The following NCKAP5 variants were observed in gnomAD, a reference collection of about 807,000 sequenced individuals.
NCKAP5 encodes the protein NCK associated protein 5.
A neutral mutation model predicts 167.0 loss-of-function variants in NCKAP5; 92 were observed. The observed-to-expected ratio is 0.55, with a 90% CI of 0.47 to 0.66. NCKAP5 has a LOEUF of 0.66. NCKAP5 is among the 30% of genes least tolerant of loss of function. NCKAP5 has a pLI of 0.00. For synonymous variants in NCKAP5, 891 were observed against 877.4 expected (o/e 1.02, Z -0.27); for missense variants, 2,378 against 2,315.0 (o/e 1.03, Z -0.56).
At chr2:133,011,666 A>G (rs1261055733) in intron 6 of NCKAP5, among the ~76,000 whole-genome samples, 1 of 152,218 alleles carries the variant, frequency 6.6e-6, no homozygotes, top group Non-Finnish European at 1.5e-5. Context: ...TCATTATCAC[A>G]CAGCAGTTAA....
intron 6 of NCKAP5, among the ~76,000 whole-genome samples, chr2:133,124,935 A>G (rs2082354703): frequency 6.6e-6 from 1 of 152,156 alleles, no homozygotes; most frequent in African/African-American, 2.4e-5. Context: ...AGTCCCAGCT[A>G]CTTGGGAGGC....
intron 10 of NCKAP5, among the ~76,000 whole-genome samples, chr2:132,867,200 G>A (rs1690425373): frequency 6.6e-6 from 1 of 151,782 alleles, no homozygotes; most frequent in East Asian, 1.9e-4. Context: ...TCTTTCCTGA[G>A]GCACCATTAA....
the NCKAP5 span, among the ~76,000 whole-genome samples, chr2:133,594,716 A>G: frequency 6.6e-6 from 1 of 152,196 alleles, no homozygotes; most frequent in African/African-American, 2.4e-5. Context: ...AGAGAGAACA[A>G]GATACACAAA....
At chr2:132,922,655 A>T (rs1695533726) in intron 8 of NCKAP5, among the ~76,000 whole-genome samples, 1 of 152,130 alleles carries the variant, frequency 6.6e-6, no homozygotes, top group Non-Finnish European at 1.5e-5. Flanking sequence ...TCATATTGCA[A>T]TGCATTATAT....
Position 132,788,275 on chromosome 2 carries a change from G to A in NCKAP5, c.1092+1748C>T, listed in dbSNP as rs76797339. ...AAAAGATGCTGTTGCTGAGGTGCAGGCCTGTGTTTAATGTCCACAGTCCTC... is the reference window on the plus strand; with the variant it reads ...AAAAGATGCTGTTGCTGAGGTGCAGACCTGTGTTTAATGTCCACAGTCCTC... On this transcript the variant is annotated intron_variant, in intron 13 of 19. Transcript: ENST00000409261. 5.9e-3 allele frequency among the ~76,000 whole-genome samples: 892 copies of A among 152,248 alleles called. 7 individuals carry two copies. The highest frequency in any genetic ancestry group is 0.04 in the South Asian group (193 of 4,818).
chr2:133,386,947 CAT>C (rs1687017083), intron 3 of NCKAP5, among the ~76,000 whole-genome samples: 1 of 152,094 alleles, frequency 6.6e-6, no homozygotes, highest in Non-Finnish European at 1.5e-5. Context: ...TGTCTCTGCA[CAT>C]GAGATGGGTT....
intron 2 of NCKAP5, among the ~76,000 whole-genome samples, chr2:133,525,239 C>T (rs1684776819): frequency 6.6e-6 from 1 of 152,272 alleles, no homozygotes; most frequent in Non-Finnish European, 1.5e-5. Context: ...GACAACAACC[C>T]TTTTCTTTCA....
intron 11 of NCKAP5, among the ~76,000 whole-genome samples, chr2:132,820,428 T>C (rs1017659160): frequency 5.3e-5 from 8 of 151,980 alleles, no homozygotes; most frequent in South Asian, 2.1e-4. Context: ...CGGGGTTTCA[T>C]TGTGTTAGCC....
intron 11 of NCKAP5, among the ~76,000 whole-genome samples, chr2:132,859,075 C>T (rs6708084): frequency 0.25 from 38,598 of 151,972 alleles, 5,224 homozygotes; most frequent in East Asian, 0.45. Flanking sequence ...CAAATATTTA[C>T]GGTGGTCAGG....
At chr2:133,425,766 T>G (rs1225602637) in intron 3 of NCKAP5, among the ~76,000 whole-genome samples, 2 of 152,222 alleles carry the variant, frequency 1.3e-5, no homozygotes, top group African/African-American at 4.8e-5. Flanking sequence ...GCACAGAGTT[T>G]GTATTTGCAT....
At chr2:133,109,106 A>C (rs549668420) in intron 6 of NCKAP5, among the ~76,000 whole-genome samples, 1 of 152,348 alleles carries the variant, frequency 6.6e-6, no homozygotes, top group East Asian at 1.9e-4. Flanking sequence ...TCTTAAAATT[A>C]TATAAAAACT....
chr2:133,291,771 C>G (rs919541468), intron 4 of NCKAP5, among the ~76,000 whole-genome samples: 5 of 152,232 alleles, frequency 3.3e-5, no homozygotes, highest in African/African-American at 1.2e-4. Flanking sequence ...TGCGTTCCCA[C>G]GCATGTTCTC....
Position 132,785,162 on chromosome 2 carries a change from A to G in NCKAP5, c.1649T>C (p.Leu550Pro). 1 of 1,602,710 alleles carries G rather than the reference A, an allele frequency of 6.2e-7. No homozygotes were observed. The highest frequency in any genetic ancestry group is 8.5e-7 in the Non-Finnish European group (1 of 1,175,750). ...CTGAGGCGTCTGCACACTTGGGCAC[A>G]GCTTCATCTCTAAGGGACAGCTGCT... The part of the protein sequence containing the change: ...CASSCPLEMK[L>P]CPSVQTPQVQ... The change falls in exon 14 of 20, where the codon CTG becomes CCG. Residue 550 changes from leucine to proline, a missense_variant. Leu to Pro is a moderately conservative substitution (Grantham distance 98). Around this residue, in one of 3 missense-constraint regions of NCKAP5, gnomAD observed 1,049 missense variants for 1,023.4 expected, o/e 1.02. Transcript: ENST00000409261.
chr2:133,080,118 T>C (rs2080753045), intron 6 of NCKAP5, among the ~76,000 whole-genome samples: 1 of 152,096 alleles, frequency 6.6e-6, no homozygotes, highest in African/African-American at 2.4e-5. Flanking sequence ...ACCATACATA[T>C]ATGATATGTA....
At chr2:132,930,546 C>A (rs2149052050) in intron 8 of NCKAP5, 1 of 152,306 alleles carries the variant, frequency 6.6e-6, no homozygotes, top group African/African-American at 2.4e-5. Context: ...GGCATAGGAG[C>A]TCCCGGCTCT....
chr2:132,856,307 T>C (rs925226415), intron 11 of NCKAP5, among the ~76,000 whole-genome samples: 4 of 151,906 alleles, frequency 2.6e-5, no homozygotes, highest in Non-Finnish European at 4.4e-5. Context: ...GACTCATGGA[T>C]AGATTTACAC....
intron 6 of NCKAP5, among the ~76,000 whole-genome samples, chr2:133,079,688 T>C (rs1236287771): frequency 1.3e-5 from 2 of 152,178 alleles, no homozygotes; most frequent in East Asian, 1.9e-4. Flanking sequence ...TCCAAAGTAA[T>C]TGCTAATATT....
At chr2:133,298,889 G>A (rs1231322816) in intron 4 of NCKAP5, among the ~76,000 whole-genome samples, 2 of 152,042 alleles carry the variant, frequency 1.3e-5, no homozygotes, top group Non-Finnish European at 2.9e-5. Flanking sequence ...TCAGAATCAG[G>A]TTATAGTTCT....
intron 4 of NCKAP5, among the ~76,000 whole-genome samples, chr2:133,250,090 A>C (rs1424423522): frequency 6.6e-6 from 1 of 151,372 alleles, no homozygotes; most frequent in Non-Finnish European, 1.5e-5. Flanking sequence ...GGAAATCTGA[A>C]AACATCAGGA....
Sources: gnomAD v4.1 joint callset for allele counts (sites outside exome capture counted in the v4.1 genomes callset) on GRCh38, gnomAD v4.1.1 for gene constraint, gnomAD v4.1.1 regional missense constraint, MANE v1.5 for transcripts, NCBI Gene and HGNC (gene_info 2026-07-23, HGNC 2026-07-21) for gene names.